The following STEAP1B variants were observed in gnomAD, a reference collection of about 807,000 sequenced individuals.
STEAP1B encodes STEAP family protein MGC87042.
Under a neutral mutation model 27.9 loss-of-function variants are expected in STEAP1B, and 13 were observed. The observed-to-expected ratio is 0.47, with a 90% CI of 0.30 to 0.74. The LOEUF is 0.74. Among genes scored for constraint, STEAP1B ranks in the 30% least tolerant of loss-of-function variants. STEAP1B has a pLI of 0.06. For synonymous variants in STEAP1B, 86 were observed against 107.1 expected (o/e 0.80, Z 1.22); for missense variants, 250 against 298.7 (o/e 0.84, Z 1.20).
chr7:22,446,046 G>C (rs1412690208), intron 4 of STEAP1B, among the ~76,000 whole-genome samples: 1 of 152,210 alleles, frequency 6.6e-6, no homozygotes, highest in African/African-American at 2.4e-5. Context: ...CCAGAAGCAA[G>C]TCACAGCAGC....
intron 4 of STEAP1B, among the ~76,000 whole-genome samples, chr7:22,445,248 C>G (rs1402342752): frequency 6.6e-6 from 1 of 152,250 alleles, no homozygotes; most frequent in African/African-American, 2.4e-5. Flanking sequence ...CTTGGGCCAA[C>G]AGCAGATTTG....
chr7:22,438,893 T>C (rs564263811), intron 4 of STEAP1B: 1 of 1,192,928 alleles, frequency 8.4e-7, no homozygotes. Context: ...AACTATTTTA[T>C]TATTTGGTGA....
intron 4 of STEAP1B, among the ~76,000 whole-genome samples, chr7:22,489,590 A>G (rs1786281806): frequency 6.6e-6 from 1 of 152,178 alleles, no homozygotes; most frequent in African/African-American, 2.4e-5. Context: ...GGACACAGAG[A>G]CGGACAGGCA....
rs1785020912 is a variant in STEAP1B at position 22,419,691 on chromosome 7, G to A, written c.*113C>T. ...ACAGAGCAGCCGTCACCTGCAGCAT[G>A]GCTGTTCATTGTGGCAGAGGGAAAG... On this transcript the variant is annotated 3_prime_UTR_variant, in exon 5 of 5. Coordinates refer to ENST00000678116, the MANE Select transcript of STEAP1B (RefSeq NM_001382447.1). 1 of 1,237,142 alleles carries A rather than the reference G, an allele frequency of 8.1e-7. No homozygotes were observed. Among genetic ancestry groups the A allele is most frequent in the Non-Finnish European group, 1.1e-6 (1 of 904,440 alleles). 76.6% of individuals were successfully genotyped at this position (1,237,142 alleles called of 1,614,324 possible). A position where few individuals can be genotyped will look rare whatever the true frequency, so the allele number is the denominator to read the frequency against.
At chr7:22,422,582 C>T (rs1453225199) in intron 4 of STEAP1B, among the ~76,000 whole-genome samples, 6 of 151,888 alleles carry the variant, frequency 4.0e-5, no homozygotes, top group Non-Finnish European at 7.4e-5. Flanking sequence ...CAACTTCCGC[C>T]TCCTAGGTTC....
intron 4 of STEAP1B, among the ~76,000 whole-genome samples, chr7:22,429,659 G>A (rs1333277409): frequency 1.3e-5 from 2 of 152,112 alleles, no homozygotes; most frequent in African/African-American, 4.8e-5. Flanking sequence ...TCATCACACT[G>A]CTCAGAACAG....
intron 4 of STEAP1B, among the ~76,000 whole-genome samples, chr7:22,423,131 G>A (rs897489010): frequency 3.5e-4 from 54 of 152,178 alleles, no homozygotes; most frequent in African/African-American, 1.2e-3. Context: ...ACAATGACAA[G>A]TGCTGGCAAG....
rs1001059150 is a variant in STEAP1B, at chr7:22,432,175, T to C, written c.763-12339A>G. 5.3e-5 allele frequency among the ~76,000 whole-genome samples: 8 copies of C among 151,964 alleles called. No homozygotes were observed. In the East Asian group the frequency reaches 1.5e-3, roughly 29 times the overall value. On this transcript the variant is annotated intron_variant, in intron 4 of 4. Transcript: ENST00000678116. Reference sequence around the variant, plus strand: ...TGAGAAGATGGCTGTCTATGAGAAGTAGATCCTCGCCAGACACCAAATCTG... The same window carrying C: ...TGAGAAGATGGCTGTCTATGAGAAGCAGATCCTCGCCAGACACCAAATCTG...
At position 22,479,836 on chromosome 7, in the gene STEAP1B, C is replaced by T. The variant is rs949091041; in HGVS notation, c.762+12729G>A. On this transcript the variant is annotated intron_variant, in intron 4 of 4. Coordinates refer to ENST00000678116, the MANE Select transcript of STEAP1B (RefSeq NM_001382447.1). ...AGTAGCTGGGGTTACAGGCACACAC[C>T]GGCGACGCCCAGCCGATTTCAGTAT... Among the ~76,000 whole-genome samples the T allele has an allele frequency of 1.1e-4, 17 of 151,686 alleles. 1 individual carries two copies. The East Asian group carries it at 1.4e-3, about 12-fold the overall frequency.
At chr7:22,469,598 T>G (rs1785844643) in intron 4 of STEAP1B, among the ~76,000 whole-genome samples, 1 of 152,220 alleles carries the variant, frequency 6.6e-6, no homozygotes, top group South Asian at 2.1e-4. Context: ...CATTTCTGTT[T>G]AGAAAGACAA....
At chr7:22,481,346 T>G (rs2128413685) in intron 4 of STEAP1B, among the ~76,000 whole-genome samples, 1 of 152,308 alleles carries the variant, frequency 6.6e-6, no homozygotes, top group African/African-American at 2.4e-5. Context: ...CCTGTGTGCC[T>G]TTAGCTAACC....
chr7:22,456,972 A>ATATATATTTTT, intron 4 of STEAP1B, among the ~76,000 whole-genome samples: 6 of 57,078 alleles, frequency 1.1e-4, no homozygotes, highest in South Asian at 2.0e-3. Flanking sequence ...ATATATATAT[A>ATATATATTTTT]TTTTTTTTTT....
intron 4 of STEAP1B, among the ~76,000 whole-genome samples, chr7:22,454,739 C>G (rs28731333): frequency 2.3e-5 from 3 of 129,746 alleles, no homozygotes; most frequent in African/African-American, 8.4e-5. Flanking sequence ...GTAAGCACAG[C>G]GGAACCAGGA....
Position 22,493,324 on chromosome 7 carries a change from C to A in STEAP1B, c.597G>T (p.Gln199His), listed in dbSNP as rs746818136. The A allele has an allele frequency of 6.2e-7, 1 of 1,609,484 alleles. No homozygotes were observed. ...RYKLLNWAYQ[Q>H]VQQNKEDAWI... is the part of the protein sequence containing the mutation. ...AACAGTGACATCATTGTCATCTCACCTGTTGATATGCCCAGTTTAGCAACT... is the reference window on the plus strand; with the variant it reads ...AACAGTGACATCATTGTCATCTCACATGTTGATATGCCCAGTTTAGCAACT... The change falls in exon 3 of 5, where the codon CAG (glutamine) becomes CAT (histidine). Residue 199 changes from glutamine to histidine, a missense_variant and splice_region_variant. By Grantham distance (24) the Gln-to-His change is conservative (BLOSUM62 0). Coordinates refer to ENST00000678116, the MANE Select transcript of STEAP1B (RefSeq NM_001382447.1).
intron 4 of STEAP1B, among the ~76,000 whole-genome samples, chr7:22,477,030 G>T (rs910589534): frequency 1.4e-4 from 21 of 152,204 alleles, no homozygotes; most frequent in African/African-American, 4.8e-4. Context: ...GCCACATAGG[G>T]AGAGACTGCA....
chr7:22,460,981 G>A lies in STEAP1B; in HGVS notation c.762+31584C>T, dbSNP rs904540710. ...GAGCGTATGTTAAAGGGTACATCTT[G>A]AGCTGAGAGGCAATACATTGATAAA... On this transcript the variant is annotated intron_variant, in intron 4 of 4. Coordinates refer to ENST00000678116, the MANE Select transcript of STEAP1B (RefSeq NM_001382447.1). 4.0e-4 allele frequency among the ~76,000 whole-genome samples: 61 copies of A among 152,202 alleles called. 1 individual carries two copies. Among genetic ancestry groups the A allele is most frequent in the Admixed American group, 2.0e-4 (3 of 15,282 alleles).
chr7:22,480,119 T>G (rs1448885575), intron 4 of STEAP1B, among the ~76,000 whole-genome samples: 1 of 152,144 alleles, frequency 6.6e-6, no homozygotes, highest in Non-Finnish European at 1.5e-5. Context: ...TGAATGGACA[T>G]CTAGAAAAGC....
chr7:22,450,361 A>C (rs973846354), intron 4 of STEAP1B, among the ~76,000 whole-genome samples: 1 of 152,178 alleles, frequency 6.6e-6, no homozygotes, highest in African/African-American at 2.4e-5. Flanking sequence ...ATATGGTGAG[A>C]GATAGGGGTC....
chr7:22,479,182 T>G (rs1483199173), intron 4 of STEAP1B, among the ~76,000 whole-genome samples: 1 of 152,190 alleles, frequency 6.6e-6, no homozygotes, highest in African/African-American at 2.4e-5. Flanking sequence ...CAGAAATAAC[T>G]AAGTCCTGGG....
Sources: gnomAD v4.1 joint callset for allele counts (sites outside exome capture counted in the v4.1 genomes callset) on GRCh38, gnomAD v4.1.1 for gene constraint, MANE v1.5 for transcripts, NCBI Gene and HGNC (gene_info 2026-07-23, HGNC 2026-07-21) for gene names.